Variants in CHLSN observed in about 807,000 individuals in gnomAD.
CHLSN encodes cholesin.
At chr7:1,016,536 A>C in the CHLSN span, among the ~76,000 whole-genome samples, 763 of 52,722 alleles carry the variant, frequency 0.014, no homozygotes, top group Middle Eastern at 0.048. Context: ...CACCAGCACA[A>C]AGCAGCGCAC....
chr7:983,188 T>C, the CHLSN span: 1 of 1,453,178 alleles, frequency 6.9e-7, no homozygotes. Flanking sequence ...AGGAGGGGAG[T>C]GGAGCCTCAC....
At chr7:1,121,533 T>C in the CHLSN span, among the ~76,000 whole-genome samples, 4 of 152,182 alleles carry the variant, frequency 2.6e-5, no homozygotes, top group Non-Finnish European at 5.9e-5. Context: ...GCTCTAGTAA[T>C]ACACACTGAT....
At chr7:992,562 G>C in the CHLSN span, among the ~76,000 whole-genome samples, 36 of 152,392 alleles carry the variant, frequency 2.4e-4, no homozygotes, top group African/African-American at 8.2e-4. Flanking sequence ...GTAGGGGCCT[G>C]GGGCCTTGTC....
At chr7:1,000,626 G>C in the CHLSN span, 1 of 1,244,826 alleles carries the variant, frequency 8.0e-7, no homozygotes, top group Non-Finnish European at 1.1e-6. Flanking sequence ...TGAGAGATCG[G>C]GGACGCCTCA....
At chr7:986,349 T>C in the CHLSN span, 1 of 516,816 alleles carries the variant, frequency 1.9e-6, no homozygotes, top group Non-Finnish European at 3.5e-6. Context: ...TTACTTCCAC[T>C]GTGGCAGCTG....
the CHLSN span, among the ~76,000 whole-genome samples, chr7:1,088,608 G>A: frequency 8.5e-5 from 13 of 152,320 alleles, no homozygotes; most frequent in Non-Finnish European, 1.2e-4. This position sits in a 1 kb window ranked among gnomAD's most constrained non-coding sequence, Gnocchi z 4.5. Context: ...CAGCAAGAAC[G>A]TGTCTCACTT....
the CHLSN span, among the ~76,000 whole-genome samples, chr7:1,112,207 G>A: frequency 6.6e-6 from 1 of 152,198 alleles, no homozygotes; most frequent in African/African-American, 2.4e-5. Context: ...AGTGGATCCT[G>A]TTTTCTTTGG....
chr7:1,006,612 C>CA, the CHLSN span, among the ~76,000 whole-genome samples: 1 of 124,690 alleles, frequency 8.0e-6, no homozygotes, highest in Non-Finnish European at 1.7e-5. Context: ...GGCCACAGCG[C>CA]GGGGAAAGAG....
At chr7:1,074,970 C>T in the CHLSN span, among the ~76,000 whole-genome samples, 2 of 152,174 alleles carry the variant, frequency 1.3e-5, no homozygotes, top group African/African-American at 2.4e-5. Context: ...GTGTGGTGAG[C>T]GGGAGGACGT....
chr7:1,110,620 C>T, the CHLSN span, among the ~76,000 whole-genome samples: 1 of 152,196 alleles, frequency 6.6e-6, no homozygotes, highest in Non-Finnish European at 1.5e-5. Flanking sequence ...GACCGGGACA[C>T]GGGCCTCGCG....
At chr7:1,083,852 G>A in the CHLSN span, among the ~76,000 whole-genome samples, 2 of 152,176 alleles carry the variant, frequency 1.3e-5, no homozygotes, top group Non-Finnish European at 2.9e-5. Flanking sequence ...AGGATGCCCT[G>A]CCCCTCACCG....
chr7:1,057,793 C>T, the CHLSN span: 29 of 776,232 alleles, frequency 3.7e-5, no homozygotes, highest in African/African-American at 1.4e-4. Flanking sequence ...TCCCGGTGGG[C>T]GCTGTGGAGT....
the CHLSN span, among the ~76,000 whole-genome samples, chr7:1,120,310 GT>G: frequency 6.6e-6 from 1 of 151,974 alleles, no homozygotes; most frequent in East Asian, 1.9e-4. Context: ...ACATTTTGGG[GT>G]TTTTTTTATT....
At chr7:1,111,772 A>C in the CHLSN span, among the ~76,000 whole-genome samples, 2 of 152,080 alleles carry the variant, frequency 1.3e-5, no homozygotes, top group Admixed American at 6.5e-5. Flanking sequence ...ATTGCACTTC[A>C]GCCTGGGTGA....
the CHLSN span, chr7:1,093,373 G>A: frequency 1.6e-5 from 7 of 433,854 alleles, no homozygotes; most frequent in Admixed American, 2.5e-5. Flanking sequence ...GCTAGCTAGC[G>A]CACCGCCGAG....
At chr7:1,099,693 C>G in the CHLSN span, among the ~76,000 whole-genome samples, 1 of 152,246 alleles carries the variant, frequency 6.6e-6, no homozygotes, top group East Asian at 1.9e-4. Context: ...CCGCCTCCTG[C>G]AGAGCTTGGT....
At chr7:1,092,339 C>T in the CHLSN span, 1 of 1,611,536 alleles carries the variant, frequency 6.2e-7, no homozygotes, top group South Asian at 1.1e-5. Flanking sequence ...ACCGACGAGG[C>T]CTGCTTCTGT....
chr7:1,082,440 C>G, the CHLSN span, among the ~76,000 whole-genome samples: 3 of 152,240 alleles, frequency 2.0e-5, no homozygotes, highest in Non-Finnish European at 2.9e-5. Context: ...GGCCGTTGGT[C>G]TGAGTTACTC....
the CHLSN span, chr7:988,132 G>A: frequency 3.0e-6 from 3 of 989,710 alleles, no homozygotes; most frequent in African/African-American, 1.6e-5. Flanking sequence ...GGCCTCCCTG[G>A]GTTTGGGTGC....
Sources: allele counts gnomAD v4.1 joint callset (sites outside exome capture counted in the v4.1 genomes callset), GRCh38; gene constraint gnomAD v4.1.1; non-coding constraint Gnocchi (gnomAD v3.1); transcripts MANE v1.5; gene names NCBI Gene and HGNC (gene_info 2026-07-23, HGNC 2026-07-21).